Variants in ZNF644 observed in about 807,000 individuals in gnomAD.
ZNF644 encodes the protein zinc finger protein 644, also known as zinc finger motif enhancer binding protein 2.
A neutral mutation model predicts 108.0 loss-of-function variants in ZNF644; 20 were observed. That is an observed-to-expected ratio of 0.19 (90% CI 0.13 to 0.27). The LOEUF (loss-of-function observed/expected upper bound fraction) is 0.27, where lower values mean the gene tolerates loss of function less well. Ranked by LOEUF, ZNF644 falls within the 10% of genes least tolerant of loss-of-function variation. The probability of loss-of-function intolerance (pLI) is 1.00; values close to 1 mark genes in which losing one functional copy is unlikely to be tolerated. For synonymous variants in ZNF644, 542 were observed against 539.1 expected (o/e 1.01, Z -0.08); for missense variants, 1,338 against 1,548.9 (o/e 0.86, Z 2.29).
chr1:90,966,550 G>A (rs1430697082), intron 2 of ZNF644, among the ~76,000 whole-genome samples: 2 of 151,962 alleles, frequency 1.3e-5, no homozygotes, highest in Non-Finnish European at 2.9e-5. Context: ...AGGAGTTCGA[G>A]ACCAGCCTGG....
chr1:90,978,365 A>G (rs1474562363), intron 2 of ZNF644, among the ~76,000 whole-genome samples: 1 of 152,116 alleles, frequency 6.6e-6, no homozygotes, highest in Non-Finnish European at 1.5e-5. Context: ...AAAAAAAAAA[A>G]AAAGTGAAAT....
At chr1:91,017,576 A>C (rs1230821819) in intron 1 of ZNF644, among the ~76,000 whole-genome samples, 1 of 152,206 alleles carries the variant, frequency 6.6e-6, no homozygotes. Context: ...AACATCTCTC[A>C]ATTGTCAAAG....
intron 1 of ZNF644, among the ~76,000 whole-genome samples, chr1:91,009,651 C>A (rs1659755605): frequency 6.6e-6 from 1 of 152,050 alleles, no homozygotes; most frequent in Non-Finnish European, 1.5e-5. Flanking sequence ...AATTTTAACT[C>A]AAAATTCAGC....
chr1:90,956,042 G>A (rs1470524402), intron 2 of ZNF644, among the ~76,000 whole-genome samples: 1 of 152,132 alleles, frequency 6.6e-6, no homozygotes, highest in Admixed American at 6.5e-5. Flanking sequence ...CAATACTGTT[G>A]TGTCTCATGG....
At chr1:90,979,861 G>C (rs1656372015) in intron 2 of ZNF644, among the ~76,000 whole-genome samples, 1 of 152,182 alleles carries the variant, frequency 6.6e-6, no homozygotes, top group South Asian at 2.1e-4. Context: ...AATCAACAAT[G>C]ACAGTCTTAC....
intron 1 of ZNF644, among the ~76,000 whole-genome samples, chr1:90,993,630 A>C (rs1272988945): frequency 6.6e-6 from 1 of 152,210 alleles, no homozygotes; most frequent in African/African-American, 2.4e-5. Context: ...AGGTCTCTTA[A>C]CTTTTGAAGA....
chr1:91,012,024 A>G (rs1404418217), intron 1 of ZNF644, among the ~76,000 whole-genome samples: 1 of 152,154 alleles, frequency 6.6e-6, no homozygotes, highest in Non-Finnish European at 1.5e-5. Flanking sequence ...TCTGCATTCT[A>G]AACAAAATAT....
chr1:90,921,230 C>T (rs773299333), intron 4 of ZNF644, among the ~76,000 whole-genome samples: 1 of 152,036 alleles, frequency 6.6e-6, no homozygotes, highest in Non-Finnish European at 1.5e-5. Flanking sequence ...GCCACTAGAA[C>T]ATTAAATACA....
chr1:90,971,622 A>G (rs768959758), intron 2 of ZNF644, among the ~76,000 whole-genome samples: 1 of 151,966 alleles, frequency 6.6e-6, no homozygotes, highest in Non-Finnish European at 1.5e-5. Context: ...ATTTCACCAT[A>G]TTGACTAGGC....
chr1:91,017,592 C>A (rs1019893602), intron 1 of ZNF644, among the ~76,000 whole-genome samples: 8 of 152,216 alleles, frequency 5.3e-5, no homozygotes, highest in Non-Finnish European at 2.9e-5. Context: ...CAAAGGATTT[C>A]TTATCTTGAA....
At chr1:90,925,501 C>T (rs908040981) in intron 4 of ZNF644, among the ~76,000 whole-genome samples, 5 of 151,690 alleles carry the variant, frequency 3.3e-5, no homozygotes, top group Non-Finnish European at 7.4e-5. Flanking sequence ...ATGATATTTT[C>T]TGAATCTCAT....
At chr1:90,923,144 TACAC>T (rs1469724201) in intron 4 of ZNF644, among the ~76,000 whole-genome samples, 1 of 152,136 alleles carries the variant, frequency 6.6e-6, no homozygotes, top group Non-Finnish European at 1.5e-5. Context: ...GTGTCCAACT[TACAC>T]AGTCACATAG....
chr1:90,956,362 A>T (rs762736383), intron 2 of ZNF644, among the ~76,000 whole-genome samples: 3 of 152,246 alleles, frequency 2.0e-5, no homozygotes, highest in Non-Finnish European at 2.9e-5. Context: ...TTCAGTTTGT[A>T]TAAGACACAA....
In ZNF644 at chr1:90,982,138, T is replaced by C. The variant is rs190994114; in HGVS notation, c.44+172A>G. ...TTCCACAATGTGATAGTTATAATTT[T>C]ACTCCCATCAAATCAACTGGACCAA... On this transcript the variant is annotated intron_variant, in intron 2 of 5. Transcript: ENST00000337393. 3.7e-4 allele frequency among the ~76,000 whole-genome samples: 57 copies of C among 152,222 alleles called. No homozygotes were observed. The East Asian group carries it at 6.2e-3, about 16-fold the overall frequency.
intron 2 of ZNF644, among the ~76,000 whole-genome samples, chr1:90,978,166 A>G (rs1407933136): frequency 1.3e-5 from 2 of 152,192 alleles, no homozygotes; most frequent in African/African-American, 2.4e-5. Context: ...AGCGTGGCCA[A>G]CACAGTGAAA....
chr1:90,963,591 T>C lies in ZNF644; in HGVS notation c.44+18719A>G, dbSNP rs555865461. Among the ~76,000 whole-genome samples the C allele has an allele frequency of 2.6e-5, 4 of 152,278 alleles. No individual in the cohort carries two copies. The South Asian group carries it at 6.2e-4, about 24-fold the overall frequency. ...CCTACAGTAACATGACAAATTGTGA[T>C]AAAATTATACAAGTGAACCATAGCG... On this transcript the variant is annotated intron_variant, in intron 2 of 5. Transcript: ENST00000337393.
intron 1 of ZNF644, among the ~76,000 whole-genome samples, chr1:90,998,634 C>G (rs1658425363): frequency 6.6e-6 from 1 of 152,206 alleles, no homozygotes; most frequent in African/African-American, 2.4e-5. Flanking sequence ...TTCTAAAAAT[C>G]AGAGCGCCTC....
intron 2 of ZNF644, among the ~76,000 whole-genome samples, chr1:90,980,547 T>C (rs988168464): frequency 6.6e-6 from 1 of 152,136 alleles, no homozygotes; most frequent in South Asian, 2.1e-4. Flanking sequence ...GGAACAGAGA[T>C]ATGGAGAATC....
intron 4 of ZNF644, among the ~76,000 whole-genome samples, chr1:90,932,602 T>C (rs1379819302): frequency 6.6e-6 from 1 of 152,192 alleles, no homozygotes; most frequent in Non-Finnish European, 1.5e-5. Flanking sequence ...GGAACACTGC[T>C]TTATAACAGT....
Sources: gnomAD v4.1 joint callset for allele counts (sites outside exome capture counted in the v4.1 genomes callset) on GRCh38, gnomAD v4.1.1 for gene constraint, MANE v1.5 for transcripts, NCBI Gene and HGNC (gene_info 2026-07-23, HGNC 2026-07-21) for gene names.